Variants in PTCHD4 observed in about 807,000 individuals in gnomAD.
PTCHD4 encodes patched domain containing 4, also known as patched domain-containing protein 4.
Under a neutral mutation model 58.1 loss-of-function variants are expected in PTCHD4, and 33 were observed. The ratio of observed to expected loss-of-function variants is 0.57; its 90% CI spans 0.43 to 0.76. The LOEUF (loss-of-function observed/expected upper bound fraction) is 0.76. Among genes scored for constraint, PTCHD4 ranks in the 30% least tolerant of loss-of-function variants. The pLI is 0.00. For missense variants in PTCHD4, 1,058 were observed against 1,027.1 expected (o/e 1.03, Z -0.41); for synonymous variants, 478 against 409.6 (o/e 1.17, Z -2.02).
chr6:48,064,259 T>A (rs1177163492), intron 3 of PTCHD4, among the ~76,000 whole-genome samples: 1 of 152,096 alleles, frequency 6.6e-6, no homozygotes, highest in African/African-American at 2.4e-5. Context: ...GCAGCTAAAA[T>A]AAAGAACTGG....
In PTCHD4 at chr6:48,069,527, G is replaced by A. The variant is rs1440434543; in HGVS notation, c.-570C>T. Reference sequence around the variant, plus strand: ...GGGATTTCCTCGCAACACCTTCCTCGCTGTGATTCCACAGACCAGTCCGCT... The same window carrying A: ...GGGATTTCCTCGCAACACCTTCCTCACTGTGATTCCACAGACCAGTCCGCT... On this transcript the variant is annotated 5_prime_UTR_variant, in exon 2 of 5. An upstream open reading frame in the 5' UTR gains an earlier in-frame stop. Transcript: ENST00000339488. 1.3e-5 allele frequency among the ~76,000 whole-genome samples: 2 copies of A among 152,118 alleles called. No homozygotes were observed. Among genetic ancestry groups the A allele is most frequent in the Non-Finnish European group, 2.9e-5 (2 of 68,020 alleles).
chr6:47,883,488 C>T (rs1293725060), intron 4 of PTCHD4, among the ~76,000 whole-genome samples: 2 of 151,950 alleles, frequency 1.3e-5, no homozygotes, highest in African/African-American at 4.8e-5. Context: ...ATTTTAAGTT[C>T]CTGCTAATGC....
chr6:48,075,500 C>T (rs572679601), intron 1 of PTCHD4, among the ~76,000 whole-genome samples: 1 of 151,234 alleles, frequency 6.6e-6, no homozygotes, highest in East Asian at 2.0e-4. Flanking sequence ...ACTATATCAC[C>T]TTGGTCAAAT....
chr6:47,922,322 T>C (rs1224870781), intron 4 of PTCHD4, among the ~76,000 whole-genome samples: 2 of 152,190 alleles, frequency 1.3e-5, no homozygotes, highest in African/African-American at 2.4e-5. Flanking sequence ...ATTCTACATT[T>C]AATGTCTTGA....
rs981608253 is a variant in PTCHD4 at position 47,875,410 on chromosome 6, C to G, written c.*2893G>C. On this transcript the variant is annotated 3_prime_UTR_variant, in exon 5 of 5. Transcript: ENST00000339488. ...GGAATTCTTGGAAACATCTGTTTCACAGTGAGGTTGGGAGGTCAGACGATG... is the reference window on the plus strand; with the variant it reads ...GGAATTCTTGGAAACATCTGTTTCAGAGTGAGGTTGGGAGGTCAGACGATG... Among the ~76,000 whole-genome samples, 3 of 151,822 alleles carry G rather than the reference C, an allele frequency of 2.0e-5. No homozygotes were observed. The highest frequency in any genetic ancestry group is 6.6e-5 in the Admixed American group (1 of 15,206).
At chr6:48,036,682 A>G (rs747967953) in intron 3 of PTCHD4, among the ~76,000 whole-genome samples, 18 of 152,160 alleles carry the variant, frequency 1.2e-4, no homozygotes, top group Non-Finnish European at 2.2e-4. Context: ...GGCAACTCCA[A>G]TATGCCAAAA....
chr6:48,078,973 G>T (rs1765111640), intron 1 of PTCHD4, among the ~76,000 whole-genome samples: 1 of 152,024 alleles, frequency 6.6e-6, no homozygotes, highest in Non-Finnish European at 1.5e-5. Context: ...CAAAAAATTA[G>T]CCGGGCGTGG....
At chr6:47,884,151 T>C (rs1764109662) in intron 4 of PTCHD4, among the ~76,000 whole-genome samples, 1 of 152,138 alleles carries the variant, frequency 6.6e-6, no homozygotes, top group African/African-American at 2.4e-5. Context: ...TATCTACCCA[T>C]CTGTTCAGAT....
At chr6:47,926,345 G>A (rs1232686265) in intron 4 of PTCHD4, among the ~76,000 whole-genome samples, 2 of 152,102 alleles carry the variant, frequency 1.3e-5, no homozygotes, top group Admixed American at 1.3e-4. Flanking sequence ...ATAGAACTAG[G>A]ATACTATTTT....
intron 4 of PTCHD4, chr6:47,891,022 A>C (rs1278405674): frequency 5.2e-6 from 1 of 192,298 alleles, no homozygotes; most frequent in African/African-American, 2.4e-5. Flanking sequence ...AGCTTGGCCA[A>C]CATGGTGAGA....
intron 3 of PTCHD4, among the ~76,000 whole-genome samples, chr6:48,039,384 T>C (rs1763762217): frequency 6.6e-6 from 1 of 152,064 alleles, no homozygotes; most frequent in African/African-American, 2.4e-5. Flanking sequence ...GAAAAAACTA[T>C]AAAAGAAAAT....
intron 4 of PTCHD4, among the ~76,000 whole-genome samples, chr6:47,929,791 C>T (rs1406935924): frequency 6.6e-6 from 1 of 152,230 alleles, no homozygotes; most frequent in Non-Finnish European, 1.5e-5. Context: ...ATCCTGCTTA[C>T]TGCCAGGTAT....
At chr6:47,975,369 GT>G (rs1157458429) in intron 4 of PTCHD4, among the ~76,000 whole-genome samples, 1 of 152,014 alleles carries the variant, frequency 6.6e-6, no homozygotes. Context: ...CTCGGCATCT[GT>G]TTTCCTAATC....
chr6:48,034,614 C>T (rs1294096064), intron 3 of PTCHD4, among the ~76,000 whole-genome samples: 2 of 152,054 alleles, frequency 1.3e-5, no homozygotes, highest in East Asian at 3.9e-4. Context: ...GAGTTAAATT[C>T]ACCCAGAGTA....
chr6:47,926,592 T>C (rs1038156328), intron 4 of PTCHD4, among the ~76,000 whole-genome samples: 1 of 152,228 alleles, frequency 6.6e-6, no homozygotes, highest in East Asian at 1.9e-4. Context: ...AAGCACATTA[T>C]AGGCTTGAAA....
chr6:48,110,777 TTATATATATATATAAATATA>T lies in PTCHD4; in HGVS notation c.-970+252_-970+271del, dbSNP rs1323658662. ...ACTGTGGTTAGTAATCTTTTCTATT[TTATATATATATATAAATATA>T]TATATATATATATAATATTTTTATC... On this transcript the variant is annotated intron_variant, in intron 1 of 4. Coordinates refer to ENST00000339488, the MANE Select transcript of PTCHD4 (RefSeq NM_001384253.1). 1.6e-4 allele frequency among the ~76,000 whole-genome samples: 22 copies of T among 140,904 alleles called. 1 individual carries two copies. Among genetic ancestry groups the T allele is most frequent in the Non-Finnish European group, 1.1e-4 (7 of 63,810 alleles). 92.4% of individuals were successfully genotyped at this position (140,904 alleles called of 152,430 possible).
chr6:48,081,118 C>T (rs1765159185), intron 1 of PTCHD4, among the ~76,000 whole-genome samples: 1 of 152,090 alleles, frequency 6.6e-6, no homozygotes. Flanking sequence ...CCAAAATGTA[C>T]AAAACCCTCC....
At chr6:48,061,150 G>A (rs1764613654) in intron 3 of PTCHD4, among the ~76,000 whole-genome samples, 1 of 152,154 alleles carries the variant, frequency 6.6e-6, no homozygotes, top group Non-Finnish European at 1.5e-5. Flanking sequence ...AGTAACTAAG[G>A]TTTAATGCTG....
At chr6:47,982,481 C>CTTTTTTTTT (rs375869071) in intron 4 of PTCHD4, among the ~76,000 whole-genome samples, 11 of 130,796 alleles carry the variant, frequency 8.4e-5, no homozygotes, top group South Asian at 2.4e-4. Flanking sequence ...TTATCTCTCT[C>CTTTTTTTTT]TTTTTTTTTT....
Sources: allele counts gnomAD v4.1 joint callset (sites outside exome capture counted in the v4.1 genomes callset), GRCh38; gene constraint gnomAD v4.1.1; transcripts MANE v1.5; gene names NCBI Gene and HGNC (gene_info 2026-07-23, HGNC 2026-07-21).